The following STIM2 variants were observed in gnomAD, a reference collection of about 807,000 sequenced individuals.
The protein encoded by STIM2 is stromal interaction molecule 2.
Under a neutral mutation model 85.8 loss-of-function variants are expected in STIM2, and 31 were observed. The observed-to-expected ratio is 0.36, with a 90% CI of 0.27 to 0.49. The LOEUF (loss-of-function observed/expected upper bound fraction) is 0.49, where lower values mean the gene tolerates loss of function less well. STIM2 is among the 20% of genes least tolerant of loss of function. The probability of loss-of-function intolerance (pLI) is 0.98; values close to 1 mark genes in which losing one functional copy is unlikely to be tolerated. For missense variants in STIM2, 841 were observed against 927.6 expected, an observed-to-expected ratio of 0.91 and a Z score of 1.21; for synonymous variants, 356 against 331.1, an observed-to-expected ratio of 1.08 and a Z score of -0.82.
At chr4:26,946,542 C>T (rs982439228) in intron 2 of STIM2, among the ~76,000 whole-genome samples, 1 of 152,204 alleles carries the variant, frequency 6.6e-6, no homozygotes, top group Non-Finnish European at 1.5e-5. Context: ...GCTGTAGTCA[C>T]CTGACTAGTT....
chr4:26,965,256 C>T (rs940117691), intron 3 of STIM2, among the ~76,000 whole-genome samples: 4 of 152,138 alleles, frequency 2.6e-5, no homozygotes, highest in African/African-American at 9.6e-5. Flanking sequence ...TTTAATAGTC[C>T]GGGTTTCTTC....
chr4:26,929,353 A>G (rs1355864441), intron 2 of STIM2, among the ~76,000 whole-genome samples: 2 of 152,168 alleles, frequency 1.3e-5, no homozygotes, highest in Non-Finnish European at 1.5e-5. Context: ...CTTCAGTTCA[A>G]TATAGGTGCA....
chr4:26,932,277 T>G (rs1353143641), intron 2 of STIM2, among the ~76,000 whole-genome samples: 1 of 152,244 alleles, frequency 6.6e-6, no homozygotes, highest in Non-Finnish European at 1.5e-5. Context: ...CTTCAAAGGA[T>G]GGTGAATCTT....
intron 1 of STIM2, among the ~76,000 whole-genome samples, chr4:26,909,430 T>G (rs746483139): frequency 2.6e-5 from 4 of 152,228 alleles, no homozygotes; most frequent in Non-Finnish European, 4.4e-5. Flanking sequence ...AATTGAAAGT[T>G]CTTTTTTTCT....
chr4:26,880,558 T>C (rs548777108), intron 1 of STIM2, among the ~76,000 whole-genome samples: 8 of 149,792 alleles, frequency 5.3e-5, no homozygotes, highest in African/African-American at 1.7e-4. Flanking sequence ...ATAAAACTTT[T>C]TGGATGAATG....
chr4:26,952,651 C>G (rs1209633390), intron 2 of STIM2, among the ~76,000 whole-genome samples: 1 of 151,944 alleles, frequency 6.6e-6, no homozygotes, highest in African/African-American at 2.4e-5. Flanking sequence ...TAGTCTAGAC[C>G]AATTCTGTGC....
At chr4:26,896,820 G>A (rs1723727975) in intron 1 of STIM2, among the ~76,000 whole-genome samples, 1 of 152,114 alleles carries the variant, frequency 6.6e-6, no homozygotes, top group Admixed American at 6.6e-5. Context: ...TCAAGACACA[G>A]GACTGCTCTG....
chr4:26,946,867 G>T (rs1281552672), intron 2 of STIM2, among the ~76,000 whole-genome samples: 1 of 152,024 alleles, frequency 6.6e-6, no homozygotes, highest in Admixed American at 6.6e-5. Flanking sequence ...CTTACTACTG[G>T]TCATTAAATG....
intron 1 of STIM2, among the ~76,000 whole-genome samples, chr4:26,863,166 T>C (rs1470786034): frequency 6.6e-6 from 1 of 152,106 alleles, no homozygotes; most frequent in Non-Finnish European, 1.5e-5. Context: ...TTCTCTATAC[T>C]TATTTAAGGC....
intron 4 of STIM2, among the ~76,000 whole-genome samples, chr4:26,996,007 A>T (rs79734489): frequency 0.036 from 5,516 of 152,138 alleles, 140 homozygotes; most frequent in South Asian, 0.076. Context: ...TTTAACCCTC[A>T]TGATTAAAAT....
intron 1 of STIM2, among the ~76,000 whole-genome samples, chr4:26,890,295 G>A (rs1008484714): frequency 6.6e-5 from 10 of 152,136 alleles, no homozygotes; most frequent in African/African-American, 2.2e-4. Flanking sequence ...TGGGGACCGT[G>A]GGCATTTGTA....
intron 3 of STIM2, among the ~76,000 whole-genome samples, chr4:26,987,470 C>T (rs528096020): frequency 2.0e-5 from 3 of 152,152 alleles, no homozygotes; most frequent in Admixed American, 6.5e-5. Flanking sequence ...TGTATAGTCC[C>T]GCCCTTCCCC....
At chr4:26,966,247 T>A (rs1726711834) in intron 3 of STIM2, among the ~76,000 whole-genome samples, 1 of 152,292 alleles carries the variant, frequency 6.6e-6, no homozygotes, top group Middle Eastern at 3.4e-3. Flanking sequence ...TTCCTAGTAG[T>A]TGGAAATCAG....
intron 3 of STIM2, among the ~76,000 whole-genome samples, chr4:26,976,965 T>C (rs563088357): frequency 1.5e-4 from 23 of 152,204 alleles, no homozygotes; most frequent in South Asian, 1.0e-3. Flanking sequence ...TGTAGCTACA[T>C]ATACACTCAC....
At chr4:26,901,818 G>T (rs896754791) in intron 1 of STIM2, among the ~76,000 whole-genome samples, 1 of 152,154 alleles carries the variant, frequency 6.6e-6, no homozygotes, top group Non-Finnish European at 1.5e-5. Flanking sequence ...TGGTCTTTGT[G>T]AAATTCTTCT....
chr4:26,950,539 C>A (rs528001656), intron 2 of STIM2, among the ~76,000 whole-genome samples: 2 of 152,012 alleles, frequency 1.3e-5, no homozygotes, highest in African/African-American at 2.4e-5. Context: ...ATAAAAAGGG[C>A]CTGTGGGAGT....
At chr4:26,891,408 A>G (rs1723472564) in intron 1 of STIM2, among the ~76,000 whole-genome samples, 1 of 152,172 alleles carries the variant, frequency 6.6e-6, no homozygotes, top group Admixed American at 6.5e-5. Context: ...ACTCAAGTAA[A>G]ACATAAACTC....
In STIM2 at chr4:26,878,781, C is replaced by A. The variant is rs188478824; in HGVS notation, c.151+17412C>A. 1.6e-4 allele frequency among the ~76,000 whole-genome samples: 24 copies of A among 152,226 alleles called. No homozygotes were observed. In the East Asian group the frequency reaches 4.6e-3, roughly 29 times the overall value. On this transcript the variant is annotated intron_variant, in intron 1 of 11. Transcript: ENST00000467087. ...GGTCTCAGGAAACTTACAATCATGGCAGAAGGCGAAGGGGAAGCAAGGCAC... is the reference window on the plus strand; with the variant it reads ...GGTCTCAGGAAACTTACAATCATGGAAGAAGGCGAAGGGGAAGCAAGGCAC...
Position 26,950,648 on chromosome 4 carries a change from T to C in STIM2, c.283-6964T>C, listed in dbSNP as rs145384106. Among the ~76,000 whole-genome samples, 930 of 152,282 alleles carry C rather than the reference T, an allele frequency of 6.1e-3. 46 individuals carry two copies. The highest frequency in any genetic ancestry group is 0.058 in the Admixed American group (888 of 15,284). On this transcript the variant is annotated intron_variant, in intron 2 of 11. Transcript: ENST00000467087. ...GTGCCTTGATTTGGACTTCCCAGCC[T>C]CCAGAACTGTGAGAAAAATAAACTT...
Sources: gnomAD v4.1 joint callset for allele counts (sites outside exome capture counted in the v4.1 genomes callset) on GRCh38, gnomAD v4.1.1 for gene constraint, MANE v1.5 for transcripts, NCBI Gene and HGNC (gene_info 2026-07-23, HGNC 2026-07-21) for gene names.